CDH12: variants seen among roughly 807,000 people sequenced by gnomAD.
CDH12 encodes cadherin-12.
CDH12 carries 41 observed loss-of-function variants against 74.1 expected under a neutral mutation model. That is an observed-to-expected ratio of 0.55 (90% CI 0.43 to 0.72). The LOEUF is 0.72. CDH12 is among the 30% of genes least tolerant of loss of function. The pLI is 0.00. For synonymous variants in CDH12, 399 were observed against 355.0 expected (o/e 1.12, Z -1.39); for missense variants, 945 against 977.2 (o/e 0.97, Z 0.44).
intron 6 of CDH12, among the ~76,000 whole-genome samples, chr5:21,927,152 C>A (rs1754621425): frequency 6.6e-6 from 1 of 151,986 alleles, no homozygotes; most frequent in East Asian, 1.9e-4. Context: ...TTAGCCAGGG[C>A]TGGTGTATTA....
intron 6 of CDH12, among the ~76,000 whole-genome samples, chr5:21,857,230 C>G (rs1750802465): frequency 6.6e-6 from 1 of 151,706 alleles, no homozygotes; most frequent in Non-Finnish European, 1.5e-5. Context: ...GTTTAATGTG[C>G]CACAAGGAAA....
At chr5:22,607,868 G>A (rs1298562774) in intron 1 of CDH12, among the ~76,000 whole-genome samples, 1 of 152,214 alleles carries the variant, frequency 6.6e-6, no homozygotes, top group African/African-American at 2.4e-5. Context: ...GAGCCTAAGG[G>A]TGCATAGAAG....
chr5:22,552,714 A>T (rs1738628251), intron 1 of CDH12, among the ~76,000 whole-genome samples: 1 of 152,128 alleles, frequency 6.6e-6, no homozygotes, highest in Non-Finnish European at 1.5e-5. Flanking sequence ...GGTGTGAGAC[A>T]CCATGCCTGG....
At chr5:22,385,720 A>G (rs544138594) in intron 3 of CDH12, among the ~76,000 whole-genome samples, 2 of 152,222 alleles carry the variant, frequency 1.3e-5, no homozygotes, top group South Asian at 2.1e-4. Context: ...GAGACTGGGT[A>G]ATTTATAAAT....
At chr5:21,835,770 A>C (rs1231839585) in intron 8 of CDH12, among the ~76,000 whole-genome samples, 1 of 151,874 alleles carries the variant, frequency 6.6e-6, no homozygotes, top group Non-Finnish European at 1.5e-5. Flanking sequence ...TCAAGATCAT[A>C]AAACAACCAA....
intron 5 of CDH12, among the ~76,000 whole-genome samples, chr5:22,029,814 A>G (rs1391026663): frequency 1.4e-4 from 22 of 151,782 alleles, no homozygotes; most frequent in African/African-American, 2.2e-4. Flanking sequence ...ACATGCACAC[A>G]TATGTTTATT....
intron 1 of CDH12, among the ~76,000 whole-genome samples, chr5:22,667,241 T>G (rs545422771): frequency 2.7e-4 from 41 of 152,314 alleles, no homozygotes; most frequent in African/African-American, 8.7e-4. Context: ...TATAACCACC[T>G]AATTATTTAG....
intron 5 of CDH12, among the ~76,000 whole-genome samples, chr5:22,046,484 G>A (rs1356799270): frequency 1.4e-5 from 2 of 141,910 alleles, no homozygotes; most frequent in Non-Finnish European, 3.0e-5. Context: ...CCAGGCTGGA[G>A]TGCAGTGGCG....
chr5:21,765,274 T>G (rs1193648961), intron 11 of CDH12, among the ~76,000 whole-genome samples, 175 bp from the exon 12 acceptor site: 1 of 152,134 alleles, frequency 6.6e-6, no homozygotes, highest in Non-Finnish European at 1.5e-5. Flanking sequence ...CCTTTTTATC[T>G]TTAGAATTCA....
intron 8 of CDH12, among the ~76,000 whole-genome samples, chr5:21,828,906 GTCTTTTTTT>G (rs1269630909): frequency 1.1e-4 from 6 of 56,054 alleles, no homozygotes; most frequent in African/African-American, 4.1e-4. Flanking sequence ...TAAATCCTAT[GTCTTTTTTT>G]TTTTTTTTTT....
At chr5:21,852,672 ACT>A (rs1353001391) in intron 7 of CDH12, among the ~76,000 whole-genome samples, 1 of 151,270 alleles carries the variant, frequency 6.6e-6, no homozygotes, top group East Asian at 1.9e-4. Flanking sequence ...GAGAATACTC[ACT>A]CTTATTCTGA....
intron 6 of CDH12, among the ~76,000 whole-genome samples, chr5:21,895,129 T>C (rs1399386148): frequency 6.6e-6 from 1 of 151,932 alleles, no homozygotes; most frequent in Non-Finnish European, 1.5e-5. Context: ...AAAGGGACAG[T>C]AGTAGCCTAT....
At chr5:22,122,936 C>T (rs999776820) in intron 4 of CDH12, among the ~76,000 whole-genome samples, 23 of 152,200 alleles carry the variant, frequency 1.5e-4, no homozygotes, top group African/African-American at 5.5e-4. Context: ...GGTCTTCAGA[C>T]TTTGAAATAT....
chr5:21,950,258 C>T (rs1201289250), intron 6 of CDH12, among the ~76,000 whole-genome samples: 2 of 152,114 alleles, frequency 1.3e-5, no homozygotes, highest in African/African-American at 2.4e-5. Context: ...ATAGAATACA[C>T]TATATGATGT....
chr5:22,032,951 A>C (rs1738924711), intron 5 of CDH12, among the ~76,000 whole-genome samples: 1 of 151,072 alleles, frequency 6.6e-6, no homozygotes. Flanking sequence ...AGACTGTAAG[A>C]TGGGAAAATA....
At chr5:22,372,739 C>T (rs1741350203) in intron 3 of CDH12, among the ~76,000 whole-genome samples, 1 of 152,146 alleles carries the variant, frequency 6.6e-6, no homozygotes, top group Non-Finnish European at 1.5e-5. Flanking sequence ...AAGACATGCC[C>T]CGTCCTTCCA....
chr5:22,005,207 A>AT (rs909702101), intron 5 of CDH12, among the ~76,000 whole-genome samples: 22 of 151,856 alleles, frequency 1.4e-4, no homozygotes, highest in Non-Finnish European at 2.1e-4. Context: ...CACCTGGCTA[A>AT]TTTTTTTGTA....
chr5:21,771,951 G>A (rs1213975085), intron 11 of CDH12, among the ~76,000 whole-genome samples: 1 of 152,048 alleles, frequency 6.6e-6, no homozygotes, highest in African/African-American at 2.4e-5. Context: ...TTTGTCATTC[G>A]TAAGATCTTT....
intron 1 of CDH12, among the ~76,000 whole-genome samples, chr5:22,505,600 G>A (rs1301792892): frequency 1.3e-5 from 2 of 151,926 alleles, no homozygotes; most frequent in African/African-American, 2.4e-5. Flanking sequence ...GTGATATATA[G>A]TGATACATTG....
Sources: allele counts gnomAD v4.1 joint callset (sites outside exome capture counted in the v4.1 genomes callset), GRCh38; gene constraint gnomAD v4.1.1; transcripts MANE v1.5; gene names NCBI Gene and HGNC (gene_info 2026-07-23, HGNC 2026-07-21).